Variants in GPHN observed in about 807,000 individuals in gnomAD.
The protein encoded by GPHN is gephyrin.
GPHN carries 17 observed loss-of-function variants against 95.5 expected under a neutral mutation model. The ratio of observed to expected loss-of-function variants is 0.18; its 90% CI spans 0.12 to 0.27. The LOEUF (loss-of-function observed/expected upper bound fraction) is 0.27. Among genes scored for constraint, GPHN ranks in the 10% least tolerant of loss-of-function variants. The probability of loss-of-function intolerance (pLI) is 1.00; values close to 1 mark genes in which losing one functional copy is unlikely to be tolerated. For synonymous variants in GPHN, 320 were observed against 322.5 expected, an observed-to-expected ratio of 0.99 and a Z score of 0.08; for missense variants, 660 against 978.1, an observed-to-expected ratio of 0.67 and a Z score of 4.34.
chr14:67,327,827 T>C, the GPHN span, among the ~76,000 whole-genome samples: 1 of 152,252 alleles, frequency 6.6e-6, no homozygotes, highest in African/African-American at 2.4e-5. Flanking sequence ...ACTCATCCTT[T>C]TTTTGGCTGC....
chr14:66,974,254 C>G (rs2070042499), intron 9 of GPHN, among the ~76,000 whole-genome samples: 1 of 152,100 alleles, frequency 6.6e-6, no homozygotes. Context: ...CACAATAAAG[C>G]ATTTTAACTA....
the GPHN span, chr14:67,583,799 C>T: frequency 6.2e-7 from 1 of 1,612,862 alleles, no homozygotes; most frequent in Non-Finnish European, 8.5e-7. Flanking sequence ...ACATCCCCTG[C>T]CAAGGCTCAG....
At chr14:66,656,440 T>C (rs2065309874) in intron 1 of GPHN, among the ~76,000 whole-genome samples, 1 of 152,156 alleles carries the variant, frequency 6.6e-6, no homozygotes, top group African/African-American at 2.4e-5. Context: ...GGTAGTGATA[T>C]CTCTCCTGTT....
intron 10 of GPHN, among the ~76,000 whole-genome samples, chr14:67,028,226 C>A (rs2074022272): frequency 6.6e-6 from 1 of 152,140 alleles, no homozygotes; most frequent in Admixed American, 6.5e-5. Flanking sequence ...AAATAGTAGT[C>A]CATTGTGTGT....
the GPHN span, among the ~76,000 whole-genome samples, chr14:67,386,728 T>C: frequency 2.0e-5 from 3 of 152,374 alleles, no homozygotes; most frequent in South Asian, 6.2e-4. Context: ...AATGTATTTT[T>C]CGTATACGTG....
chr14:67,224,088 T>A, the GPHN span: 1 of 790,860 alleles, frequency 1.3e-6, no homozygotes, highest in Non-Finnish European at 1.5e-6. Flanking sequence ...CTCAAATTCA[T>A]CTCTCAAACC....
At chr14:67,675,804 T>C in the GPHN span, among the ~76,000 whole-genome samples, 1 of 151,648 alleles carries the variant, frequency 6.6e-6, no homozygotes, top group Non-Finnish European at 1.5e-5. Flanking sequence ...TGGGTATAAA[T>C]TCCTGTCTTC....
chr14:66,753,361 C>T (rs933716384), intron 2 of GPHN, among the ~76,000 whole-genome samples: 5 of 152,046 alleles, frequency 3.3e-5, no homozygotes, highest in Admixed American at 6.6e-5. Flanking sequence ...TAGCCATGTA[C>T]TCATGAATGA....
chr14:66,636,442 A>G (rs2064101500), intron 1 of GPHN, among the ~76,000 whole-genome samples: 1 of 152,170 alleles, frequency 6.6e-6, no homozygotes, highest in African/African-American at 2.4e-5. Flanking sequence ...TAGCTAATTT[A>G]TACTCAGTCA....
At chr14:67,656,238 T>G in the GPHN span, among the ~76,000 whole-genome samples, 1 of 143,596 alleles carries the variant, frequency 7.0e-6, no homozygotes, top group Admixed American at 7.1e-5. Context: ...ACAGTGAGAC[T>G]CTATCTCAAA....
intron 1 of GPHN, among the ~76,000 whole-genome samples, chr14:66,567,874 TA>T (rs1286648160): frequency 6.6e-6 from 1 of 152,216 alleles, no homozygotes; most frequent in African/African-American, 2.4e-5. Context: ...GCAAGATCTA[TA>T]AAAAAATATA....
the GPHN span, among the ~76,000 whole-genome samples, chr14:67,256,375 A>G: frequency 6.6e-6 from 1 of 152,206 alleles, no homozygotes; most frequent in African/African-American, 2.4e-5. Context: ...AATAAAAAGT[A>G]GAAAGATCAG....
At chr14:66,898,493 CT>C (rs2064976578) in intron 5 of GPHN, among the ~76,000 whole-genome samples, 2 of 103,020 alleles carry the variant, frequency 1.9e-5, no homozygotes, top group African/African-American at 8.1e-5. Flanking sequence ...AAAAAAAAAG[CT>C]ACCTTTCCTC....
the GPHN span, chr14:67,674,335 A>C: frequency 6.6e-7 from 1 of 1,514,598 alleles, no homozygotes; most frequent in Non-Finnish European, 8.9e-7. Flanking sequence ...CAAAGCGCGC[A>C]GGGCTGCGCT....
intron 1 of GPHN, among the ~76,000 whole-genome samples, chr14:66,627,844 G>A (rs117190288): frequency 0.01 from 1,563 of 152,128 alleles, 18 homozygotes; most frequent in Middle Eastern, 0.017. Context: ...ATAATGGTGT[G>A]CTTCTAATTA....
At chr14:67,465,141 C>T in the GPHN span, among the ~76,000 whole-genome samples, 9 of 152,346 alleles carry the variant, frequency 5.9e-5, no homozygotes, top group East Asian at 1.9e-4. Flanking sequence ...TGCTGGTGAC[C>T]GGCACACAGA....
intron 1 of GPHN, among the ~76,000 whole-genome samples, chr14:66,551,843 C>G (rs556781843): frequency 4.9e-4 from 75 of 152,260 alleles, no homozygotes; most frequent in African/African-American, 1.7e-3. Flanking sequence ...CACTAAGTAT[C>G]ACTAGAACAG....
At chr14:67,058,315 T>A (rs1005335010) in intron 10 of GPHN, among the ~76,000 whole-genome samples, 1 of 152,256 alleles carries the variant, frequency 6.6e-6, no homozygotes, top group African/African-American at 2.4e-5. Flanking sequence ...AAATCACATA[T>A]TAATAGTATA....
At chr14:66,635,159 T>A (rs1007363548) in intron 1 of GPHN, among the ~76,000 whole-genome samples, 3 of 152,180 alleles carry the variant, frequency 2.0e-5, no homozygotes, top group African/African-American at 7.2e-5. Context: ...TCTCACTGCA[T>A]GGGACCTAGA....
Sources: allele counts gnomAD v4.1 joint callset (sites outside exome capture counted in the v4.1 genomes callset), GRCh38; gene constraint gnomAD v4.1.1; transcripts MANE v1.5; gene names NCBI Gene and HGNC (gene_info 2026-07-23, HGNC 2026-07-21).